PTPRK: variants seen among roughly 807,000 people sequenced by gnomAD.
PTPRK encodes the protein receptor-type tyrosine-protein phosphatase kappa.
Under a neutral mutation model 178.0 loss-of-function variants are expected in PTPRK, and 75 were observed. The observed-to-expected ratio is 0.42, with a 90% CI of 0.35 to 0.51. The LOEUF is 0.51. Among genes scored for constraint, PTPRK ranks in the 20% least tolerant of loss-of-function variants. The pLI is 0.02. For synonymous variants in PTPRK, 637 were observed against 620.6 expected (o/e 1.03, Z -0.39); for missense variants, 1,441 against 1,797.8 (o/e 0.80, Z 3.59).
intron 2 of PTPRK, among the ~76,000 whole-genome samples, chr6:128,353,879 T>C (rs186628510): frequency 2.5e-3 from 377 of 152,288 alleles, no homozygotes; most frequent in African/African-American, 8.5e-3. Flanking sequence ...ATAAAACTGG[T>C]AAATTCTGAA....
intron 2 of PTPRK, among the ~76,000 whole-genome samples, chr6:128,360,059 A>T (rs1235665092): frequency 6.6e-6 from 1 of 152,144 alleles, no homozygotes. Flanking sequence ...CTTTATAGGC[A>T]ATTTTGTATT....
intron 1 of PTPRK, among the ~76,000 whole-genome samples, chr6:128,446,022 T>C (rs1191931341): frequency 6.6e-6 from 1 of 151,848 alleles, no homozygotes; most frequent in East Asian, 1.9e-4. Context: ...GCATGTTAAC[T>C]GCAGAATCAG....
intron 7 of PTPRK, among the ~76,000 whole-genome samples, chr6:128,145,219 T>G (rs905331304): frequency 3.3e-5 from 5 of 151,950 alleles, no homozygotes; most frequent in African/African-American, 1.2e-4. Flanking sequence ...CCTTAAAAAT[T>G]TGTTAAGAGG....
At chr6:128,471,468 T>A (rs1850641585) in intron 1 of PTPRK, among the ~76,000 whole-genome samples, 1 of 151,296 alleles carries the variant, frequency 6.6e-6, no homozygotes, top group East Asian at 1.9e-4. Context: ...GATAGAAACT[T>A]ACCAAGAACA....
At chr6:128,476,896 A>G (rs560237509) in intron 1 of PTPRK, among the ~76,000 whole-genome samples, 3 of 152,026 alleles carry the variant, frequency 2.0e-5, no homozygotes, top group Admixed American at 2.0e-4. Context: ...CTAAAAAAAA[A>G]AAATCAATCT....
At chr6:128,231,191 T>C (rs1277001690) in intron 5 of PTPRK, among the ~76,000 whole-genome samples, 4 of 152,198 alleles carry the variant, frequency 2.6e-5, no homozygotes. Context: ...TCAAGACCTA[T>C]AAGCAGAATT....
intron 18 of PTPRK, among the ~76,000 whole-genome samples, chr6:127,993,284 C>T (rs1776802315): frequency 2.6e-5 from 4 of 151,582 alleles, no homozygotes; most frequent in Admixed American, 2.6e-4. Context: ...TTTACACACA[C>T]ATAATTATAG....
chr6:128,004,983 C>A (rs1778251494), intron 15 of PTPRK, 101 bp downstream of exon 15: 2 of 1,003,820 alleles, frequency 2.0e-6, no homozygotes, highest in Admixed American at 5.4e-5. Context: ...TGCTTCTCCC[C>A]TCACTTTCCT....
chr6:128,076,576 T>C (rs1001531768), intron 11 of PTPRK, among the ~76,000 whole-genome samples: 13 of 152,180 alleles, frequency 8.5e-5, no homozygotes, highest in Admixed American at 7.2e-4. Flanking sequence ...AAATTACTTC[T>C]TCTTGTAATA....
intron 7 of PTPRK, among the ~76,000 whole-genome samples, chr6:128,100,327 A>T (rs1174863830): frequency 6.6e-6 from 1 of 151,966 alleles, no homozygotes; most frequent in Non-Finnish European, 1.5e-5. Context: ...ATGAAGACAA[A>T]TTTTTTTAAA....
intron 7 of PTPRK, among the ~76,000 whole-genome samples, chr6:128,143,892 T>C (rs779010268): frequency 2.6e-5 from 4 of 152,194 alleles, no homozygotes; most frequent in Non-Finnish European, 5.9e-5. Context: ...TTAACAACAA[T>C]GACAAACGTA....
chr6:128,180,829 C>A (rs1801800146), intron 7 of PTPRK, among the ~76,000 whole-genome samples: 1 of 151,930 alleles, frequency 6.6e-6, no homozygotes. Flanking sequence ...CTCTTCCAGA[C>A]TTTACTTGTT....
At chr6:128,321,771 C>T (rs2128320989) in intron 3 of PTPRK, 1 of 698,770 alleles carries the variant, frequency 1.4e-6, no homozygotes, top group Non-Finnish European at 2.6e-6. Context: ...TATTTTAACA[C>T]ATAGAAATAC....
At chr6:128,167,584 T>G (rs1343675459) in intron 7 of PTPRK, among the ~76,000 whole-genome samples, 1 of 151,986 alleles carries the variant, frequency 6.6e-6, no homozygotes, top group African/African-American at 2.4e-5. Flanking sequence ...TTCATATAAC[T>G]AGGTGGATTT....
At chr6:128,422,931 A>G (rs974288140) in intron 1 of PTPRK, among the ~76,000 whole-genome samples, 1 of 152,180 alleles carries the variant, frequency 6.6e-6, no homozygotes, top group African/African-American at 2.4e-5. Flanking sequence ...CCATGAATAA[A>G]CTTTTTCTAA....
chr6:128,314,907 G>A (rs1044146844), intron 3 of PTPRK, among the ~76,000 whole-genome samples: 5 of 149,752 alleles, frequency 3.3e-5, no homozygotes, highest in South Asian at 2.1e-4. Context: ...TCTAATATAC[G>A]TATCAGAAAA....
In PTPRK at chr6:128,118,637, T is replaced by C. The variant is rs775477109; in HGVS notation, c.1163-28645A>G. Among the ~76,000 whole-genome samples the C allele has an allele frequency of 6.7e-4, 102 of 152,178 alleles. 1 individual carries two copies. Among genetic ancestry groups the C allele is most frequent in the Non-Finnish European group, 1.9e-4 (13 of 68,038 alleles). On this transcript the variant is annotated intron_variant, in intron 7 of 29. Transcript: ENST00000368226. ...TTCTTGTTACTGGTATGAGACAAAA[T>C]GATGACATCAGCAAAATATCTCCAG...
At chr6:128,484,519 C>T (rs954024680) in intron 1 of PTPRK, among the ~76,000 whole-genome samples, 1 of 152,082 alleles carries the variant, frequency 6.6e-6, no homozygotes, top group Admixed American at 6.6e-5. Context: ...GTTTGTGATG[C>T]TAATTTCATT....
intron 2 of PTPRK, among the ~76,000 whole-genome samples, chr6:128,380,336 A>G (rs992061563): frequency 6.6e-6 from 1 of 152,122 alleles, no homozygotes; most frequent in South Asian, 2.1e-4. Flanking sequence ...CTTTGATTGC[A>G]TCAGCACAAG....
Sources: allele counts gnomAD v4.1 joint callset (sites outside exome capture counted in the v4.1 genomes callset), GRCh38; gene constraint gnomAD v4.1.1; transcripts MANE v1.5; gene names NCBI Gene and HGNC (gene_info 2026-07-23, HGNC 2026-07-21).